The following C3orf18 variants were observed in gnomAD, a reference collection of about 807,000 sequenced individuals.
The protein encoded by C3orf18 is chromosome 3 open reading frame 18, also known as uncharacterized protein C3orf18.
A neutral mutation model predicts 14.1 loss-of-function variants in C3orf18; 12 were observed. The ratio of observed to expected loss-of-function variants is 0.85; its 90% CI spans 0.55 to 1.38. C3orf18 has a LOEUF of 1.38. C3orf18 is among the 40% of genes most tolerant of loss of function. The pLI is 0.00. For synonymous variants in C3orf18, 82 were observed against 87.9 expected, an observed-to-expected ratio of 0.93 and a Z score of 0.38; for missense variants, 196 against 213.9, an observed-to-expected ratio of 0.92 and a Z score of 0.52.
At chr3:50,572,249 TGGA>T, upstream of C3orf18, 9 of 1,570,006 alleles carry the variant, frequency 5.7e-6, no homozygotes, top group Non-Finnish European at 7.8e-6. Flanking sequence ...AGGATGATGG[TGGA>T]GTTCAGGGCA....
chr3:50,565,451 T>C lies in C3orf18; in HGVS notation c.234+15A>G. ...AAACACTGATTATCCTCCCCCAGCC[T>C]ACCCCAGCTCTCACCAAGGCCACAG... On this transcript the variant is annotated intron_variant, in intron 3 of 5. Transcript: ENST00000357203. The surrounding 1 kb of genome is among the most constrained non-coding windows in gnomAD (Gnocchi z 4.4). The C allele has an allele frequency of 3.2e-6, 5 of 1,585,024 alleles. No individual in the cohort carries two copies. Among genetic ancestry groups the C allele is most frequent in the Non-Finnish European group, 3.5e-6 (4 of 1,153,998 alleles).
At chr3:50,569,166 A>G (rs906950906), upstream of C3orf18, 2 of 152,314 alleles carry the variant, frequency 1.3e-5, no homozygotes, top group East Asian at 1.9e-4. Context: ...CCGGCAGGCT[A>G]CTGGGCTCCG....
At chr3:50,568,306 G>C (rs985877582), upstream of C3orf18, among the ~76,000 whole-genome samples, 14 of 152,234 alleles carry the variant, frequency 9.2e-5, no homozygotes, top group African/African-American at 3.4e-4. Flanking sequence ...CTCAGGGAAG[G>C]AGCCCTCAGA....
rs750387533 is a variant in C3orf18, at chr3:50,559,525, T to C, written c.*132A>G. 1.6e-4 allele frequency: 226 copies of C among 1,436,400 alleles called. No homozygotes were observed. Among genetic ancestry groups the C allele is most frequent in the Non-Finnish European group, 1.6e-4 (170 of 1,091,402 alleles). The allele number at this position is 1,436,400 out of a possible 1,614,324, so 89.0% of individuals were successfully genotyped here. The stretch of plus-strand genomic sequence containing the variant: ...TCAGCAGGTGGGTCTGGAGAACAGC[T>C]AGGACCTGGCTCAGCCCTCTTGTGT... On this transcript the variant is annotated 3_prime_UTR_variant, in exon 6 of 6. Transcript: ENST00000357203.
intron 5 of C3orf18, among the ~76,000 whole-genome samples, chr3:50,560,564 T>A (rs1220410103): frequency 6.6e-6 from 1 of 152,244 alleles, no homozygotes. Flanking sequence ...ATTAGTCCTT[T>A]CCTACTTTCC....
chr3:50,559,179 G>A lies in C3orf18; in HGVS notation c.*478C>T. 1 of 1,290,058 alleles carries A rather than the reference G, an allele frequency of 7.8e-7. No individual in the cohort carries two copies. Among genetic ancestry groups the A allele is most frequent in the Non-Finnish European group, 1.0e-6 (1 of 989,126 alleles). 79.9% of individuals were successfully genotyped at this position (1,290,058 alleles called of 1,614,324 possible). A position where few individuals can be genotyped will look rare whatever the true frequency, so the allele number is the denominator to read the frequency against. On this transcript the variant is annotated 3_prime_UTR_variant, in exon 6 of 6. Transcript: ENST00000357203. ...CTTCTCAGGGCCCATAACAGATGCT[G>A]CCCTACCCTGTCCCTATAACTTGGG...
In C3orf18 at chr3:50,561,038, A is replaced by G. The variant is rs1208311123; in HGVS notation, c.287T>C (p.Met96Thr). ...KRLEKLRHQL[M>T]PMYNFDPTEE... ...CGTGGGGTCGAAGTTGTACATGGGC[A>G]TGAGCTGGTGGCGTAGCTTCTCCAG... Residue 96 changes from methionine (M) to threonine (T), a missense_variant, in exon 5 of 6, where the codon ATG (methionine) becomes ACG (threonine). Transcript: ENST00000357203. 15 of 1,613,978 alleles carry G rather than the reference A, an allele frequency of 9.3e-6. No homozygotes were observed. The highest frequency in any genetic ancestry group is 2.7e-5 in the African/African-American group (2 of 74,932).
At chr3:50,560,807 G>A (rs941808058) in intron 5 of C3orf18, 110 bp downstream of exon 5, 5 of 1,198,078 alleles carry the variant, frequency 4.2e-6, no homozygotes, top group Non-Finnish European at 5.8e-6. Flanking sequence ...CCCAATACCT[G>A]CCATCTGACC....
At chr3:50,571,795 T>C (rs752776334), upstream of C3orf18, 4 of 1,613,990 alleles carry the variant, frequency 2.5e-6, no homozygotes, top group Admixed American at 6.7e-5. Context: ...AGCCGTCGAT[T>C]GCAGAGGTGA....
At chr3:50,560,382 G>A (rs1179889527) in intron 5 of C3orf18, among the ~76,000 whole-genome samples, 2 of 151,862 alleles carry the variant, frequency 1.3e-5, no homozygotes, top group African/African-American at 4.8e-5. Context: ...GGACACAGGA[G>A]GCAAGTTTGG....
Position 50,558,599 on chromosome 3 carries a change from C to T in C3orf18, c.*1058G>A. ...CACTTTCAGGCAGTCATAACTGCCCCCTCTAGCCTGCAGCCTGTGATTACT... is the reference window on the plus strand; with the variant it reads ...CACTTTCAGGCAGTCATAACTGCCCTCTCTAGCCTGCAGCCTGTGATTACT... On this transcript the variant is annotated 3_prime_UTR_variant, in exon 6 of 6. Coordinates refer to ENST00000357203, the MANE Select transcript of C3orf18 (RefSeq NM_016210.5). 1.0e-6 allele frequency: 1 copy of T among 960,534 alleles called. No individual in the cohort carries two copies. The allele number at this position is 960,534 out of a possible 1,614,324, so 59.5% of individuals were successfully genotyped here.
In C3orf18 at chr3:50,565,456, C is replaced by G; in HGVS notation, c.234+10G>C. The stretch of plus-strand genomic sequence containing the variant: ...CTGATTATCCTCCCCCAGCCTACCC[C>G]AGCTCTCACCAAGGCCACAGCCAGG... On this transcript the variant is annotated intron_variant, in intron 3 of 5. Coordinates refer to ENST00000357203, the MANE Select transcript of C3orf18 (RefSeq NM_016210.5). This position sits in a 1 kb window ranked among gnomAD's most constrained non-coding sequence, Gnocchi z 4.4. The G allele has an allele frequency of 6.2e-7, 1 of 1,601,140 alleles. No homozygotes were observed. Among genetic ancestry groups the G allele is most frequent in the Non-Finnish European group, 8.6e-7 (1 of 1,168,496 alleles).
intron 3 of C3orf18, among the ~76,000 whole-genome samples, chr3:50,563,158 C>T (rs1477333705): frequency 6.6e-6 from 1 of 152,124 alleles, no homozygotes; most frequent in Non-Finnish European, 1.5e-5. Context: ...TGCAGGACCC[C>T]CAAAACCTGA....
chr3:50,560,596 T>A (rs1165232044), intron 5 of C3orf18, among the ~76,000 whole-genome samples: 2 of 152,160 alleles, frequency 1.3e-5, no homozygotes, highest in Non-Finnish European at 2.9e-5. Context: ...TGGGGGCACA[T>A]GGGGCAAGAA....
upstream of C3orf18, among the ~76,000 whole-genome samples, chr3:50,574,394 T>C (rs755112266): frequency 2.0e-5 from 3 of 152,224 alleles, no homozygotes; most frequent in Non-Finnish European, 4.4e-5. Context: ...TGGAGTGTTA[T>C]GGCAAACAAG....
chr3:50,571,765 A>T (rs763297963), upstream of C3orf18: 26 of 1,614,050 alleles, frequency 1.6e-5, no homozygotes, highest in Non-Finnish European at 2.0e-5. Flanking sequence ...CAGCAACTAC[A>T]GTGTATCCGG....
upstream of C3orf18, among the ~76,000 whole-genome samples, chr3:50,567,982 C>G (rs1700469382): frequency 6.6e-6 from 1 of 152,278 alleles, no homozygotes; most frequent in South Asian, 2.1e-4. Context: ...CCCCTGCCAG[C>G]TACCCGTGCC....
chr3:50,563,350 C>T (rs1330540528), intron 3 of C3orf18, among the ~76,000 whole-genome samples: 3 of 152,060 alleles, frequency 2.0e-5, no homozygotes, highest in African/African-American at 7.3e-5. Flanking sequence ...CACCTCTCAG[C>T]CCTTGCCCCA....
upstream of C3orf18, chr3:50,571,225 G>T (rs373864660): frequency 1.2e-6 from 2 of 1,613,792 alleles, no homozygotes; most frequent in African/African-American, 1.3e-5. Context: ...GTTATCCAGT[G>T]CCATAGAACT....
Sources: allele counts gnomAD v4.1 joint callset (sites outside exome capture counted in the v4.1 genomes callset), GRCh38; gene constraint gnomAD v4.1.1; non-coding constraint Gnocchi (gnomAD v3.1); transcripts MANE v1.5; gene names NCBI Gene and HGNC (gene_info 2026-07-23, HGNC 2026-07-21).